EML4: variants seen among roughly 807,000 people sequenced by gnomAD.
The protein encoded by EML4 is echinoderm microtubule-associated protein-like 4.
A neutral mutation model predicts 129.0 loss-of-function variants in EML4; 72 were observed. The observed-to-expected ratio is 0.56, with a 90% CI of 0.46 to 0.68. The LOEUF (loss-of-function observed/expected upper bound fraction) is 0.68. Among genes scored for constraint, EML4 ranks in the 30% least tolerant of loss-of-function variants. The pLI is 0.00. For missense variants in EML4, 1,363 were observed against 1,190.6 expected, an observed-to-expected ratio of 1.14 and a Z score of -2.13; for synonymous variants, 532 against 405.0, an observed-to-expected ratio of 1.31 and a Z score of -3.77.
chr2:42,305,989 T>C (rs1441025712), intron 17 of EML4, among the ~76,000 whole-genome samples: 1 of 152,212 alleles, frequency 6.6e-6, no homozygotes, highest in Non-Finnish European at 1.5e-5. Context: ...GCAGAATCTT[T>C]CAGAATAATG....
At chr2:42,174,820 TG>T (rs760144812) in intron 1 of EML4, among the ~76,000 whole-genome samples, 20 of 151,876 alleles carry the variant, frequency 1.3e-4, no homozygotes, top group East Asian at 5.8e-4. Flanking sequence ...GGTTTTTTTT[TG>T]TTTGTTTGTT....
At chr2:42,286,608 A>G (rs1667321318) in intron 10 of EML4, among the ~76,000 whole-genome samples, 1 of 152,216 alleles carries the variant, frequency 6.6e-6, no homozygotes, top group Non-Finnish European at 1.5e-5. Context: ...TTATTCTTGG[A>G]ATTATGCTGC....
intron 1 of EML4, among the ~76,000 whole-genome samples, chr2:42,214,622 G>A (rs1398793589): frequency 6.6e-6 from 1 of 152,146 alleles, no homozygotes; most frequent in Non-Finnish European, 1.5e-5. Context: ...TTGTGGGTCA[G>A]GAATTTGGGC....
At chr2:42,280,769 A>G in intron 6 of EML4, 81 bp from the exon 7 acceptor site, 1 of 1,068,902 alleles carries the variant, frequency 9.4e-7, no homozygotes, top group Non-Finnish European at 1.3e-6. Flanking sequence ...TCTTGTTTTT[A>G]TTGTATCACG....
At chr2:42,184,398 C>G (rs774615755) in intron 1 of EML4, among the ~76,000 whole-genome samples, 1 of 118,612 alleles carries the variant, frequency 8.4e-6, no homozygotes, top group African/African-American at 3.3e-5. Flanking sequence ...CCCCACCCCA[C>G]AACAGGCCCC....
chr2:42,264,569 G>C, intron 5 of EML4, 137 bp from the exon 6 acceptor site: 1 of 635,230 alleles, frequency 1.6e-6, no homozygotes, highest in Non-Finnish European at 2.8e-6. Flanking sequence ...AAAAAATGCT[G>C]ATTTCTTACT....
intron 1 of EML4, among the ~76,000 whole-genome samples, chr2:42,217,360 C>G (rs1045097888): frequency 3.9e-5 from 6 of 151,972 alleles, no homozygotes; most frequent in African/African-American, 4.8e-5. Flanking sequence ...TCTTGATTGT[C>G]AAGATTCGTT....
intron 1 of EML4, among the ~76,000 whole-genome samples, chr2:42,220,861 A>C (rs77324270): frequency 0.012 from 1,812 of 152,298 alleles, 38 homozygotes; most frequent in African/African-American, 0.041. Flanking sequence ...GCATGTTCTG[A>C]ATATAAAGTC....
chr2:42,227,664 C>T (rs1344399479), intron 1 of EML4, among the ~76,000 whole-genome samples: 1 of 152,134 alleles, frequency 6.6e-6, no homozygotes, highest in East Asian at 1.9e-4. Context: ...CCTCTGCCAC[C>T]CCTAAGGCAG....
At chr2:42,254,430 C>T (rs377350989) in intron 2 of EML4, among the ~76,000 whole-genome samples, 114 of 150,842 alleles carry the variant, frequency 7.6e-4, no homozygotes, top group African/African-American at 2.5e-3. Context: ...GGCACTCCAG[C>T]CTGGGCAACA....
chr2:42,222,060 TTC>T (rs1316161046), intron 1 of EML4, among the ~76,000 whole-genome samples: 1 of 152,112 alleles, frequency 6.6e-6, no homozygotes, highest in Non-Finnish European at 1.5e-5. Flanking sequence ...CTCCTTAGTC[TTC>T]TCTCTCTGTA....
At chr2:42,234,634 AG>A (rs1261314601) in intron 1 of EML4, among the ~76,000 whole-genome samples, 6 of 152,244 alleles carry the variant, frequency 3.9e-5, no homozygotes, top group Non-Finnish European at 7.3e-5. Context: ...ACTTGTATAA[AG>A]TACTTAAAAC....
chr2:42,266,299 T>G (rs942568471), intron 6 of EML4, among the ~76,000 whole-genome samples: 6 of 152,220 alleles, frequency 3.9e-5, no homozygotes, highest in African/African-American at 7.2e-5. Context: ...TGAGATACTT[T>G]AAAGGGAAAA....
intron 1 of EML4, among the ~76,000 whole-genome samples, chr2:42,227,124 C>A (rs963758210): frequency 6.6e-6 from 1 of 151,274 alleles, no homozygotes; most frequent in Admixed American, 6.6e-5. Flanking sequence ...TTTTTTTTTC[C>A]CCTTGAGGTA....
intron 2 of EML4, among the ~76,000 whole-genome samples, chr2:42,254,963 T>C (rs939988666): frequency 4.6e-5 from 7 of 152,322 alleles, no homozygotes; most frequent in Admixed American, 1.3e-4. Context: ...GAAATATATG[T>C]GCTACAACAT....
intron 1 of EML4, among the ~76,000 whole-genome samples, chr2:42,185,645 G>A (rs75322167): frequency 0.01 from 1,532 of 152,246 alleles, 27 homozygotes; most frequent in African/African-American, 0.034. Flanking sequence ...AGAGATGAAG[G>A]CAGGAGAGGA....
At position 42,326,194 on chromosome 2, in the gene EML4, G is replaced by T. The variant is rs146276222; in HGVS notation, c.2283G>T (p.Ser761=). ...PNGCKLIRNR[S]DCKDIDWTTY... is the part of the protein sequence containing the mutation. Reference sequence around the variant, plus strand: ...GCTGCAAACTAATCAGGAATCGATCGGATTGTAAGGACATTGATTGGACGA... The same window carrying T: ...GCTGCAAACTAATCAGGAATCGATCTGATTGTAAGGACATTGATTGGACGA... Residue 761 remains serine, a synonymous_variant, in exon 21 of 23, where the codon TCG becomes TCT. Transcript: ENST00000318522. 6.2e-7 allele frequency: 1 copy of T among 1,613,666 alleles called. No individual in the cohort carries two copies. Among genetic ancestry groups the T allele is most frequent in the East Asian group, 2.2e-5 (1 of 44,808 alleles).
chr2:42,264,102 T>A (rs969561828), intron 5 of EML4, among the ~76,000 whole-genome samples: 1 of 106,672 alleles, frequency 9.4e-6, no homozygotes, highest in African/African-American at 3.8e-5. Context: ...AAACAATACG[T>A]GTTTTTTTTT....
At chr2:42,176,527 A>G (rs984948781) in intron 1 of EML4, among the ~76,000 whole-genome samples, 3 of 152,158 alleles carry the variant, frequency 2.0e-5, no homozygotes, top group African/African-American at 7.2e-5. Context: ...AAAATGACCT[A>G]TTTCTTATTC....
Sources: gnomAD v4.1 joint callset for allele counts (sites outside exome capture counted in the v4.1 genomes callset) on GRCh38, gnomAD v4.1.1 for gene constraint, MANE v1.5 for transcripts, NCBI Gene and HGNC (gene_info 2026-07-23, HGNC 2026-07-21) for gene names.